The following CIT variants were observed in gnomAD, a reference collection of about 807,000 sequenced individuals.
CIT encodes citron rho-interacting serine/threonine kinase.
CIT carries 79 observed loss-of-function variants against 272.7 expected under a neutral mutation model. The observed-to-expected ratio is 0.29, with a 90% CI of 0.24 to 0.35. The LOEUF (loss-of-function observed/expected upper bound fraction) is 0.35. Among genes scored for constraint, CIT ranks in the 10% least tolerant of loss-of-function variants. The pLI is 1.00. For synonymous variants in CIT, 948 were observed against 995.6 expected (o/e 0.95, Z 0.90); for missense variants, 1,909 against 2,618.3 (o/e 0.73, Z 5.91).
At chr12:119,827,204 G>A (rs1968241535) in intron 7 of CIT, among the ~76,000 whole-genome samples, 1 of 152,118 alleles carries the variant, frequency 6.6e-6, no homozygotes, top group Admixed American at 6.5e-5. Context: ...CCCACAGGCA[G>A]GCTTGGCTTG....
intron 9 of CIT, among the ~76,000 whole-genome samples, chr12:119,817,028 G>T (rs1967249255): frequency 6.6e-6 from 1 of 152,158 alleles, no homozygotes; most frequent in South Asian, 2.1e-4. Flanking sequence ...ACAGAAAACA[G>T]GACACATCCT....
intron 37 of CIT, among the ~76,000 whole-genome samples, chr12:119,711,715 G>A (rs1445634610): frequency 6.6e-6 from 1 of 152,170 alleles, no homozygotes; most frequent in Non-Finnish European, 1.5e-5. Context: ...GAGTACAGTG[G>A]CACAATCGTA....
intron 46 of CIT, among the ~76,000 whole-genome samples, chr12:119,691,511 C>G (rs976193017): frequency 2.0e-5 from 3 of 152,178 alleles, no homozygotes; most frequent in Non-Finnish European, 4.4e-5. Context: ...GACAATAAGA[C>G]GACCGAGAGG....
intron 3 of CIT, among the ~76,000 whole-genome samples, chr12:119,868,516 G>T (rs1263757236): frequency 1.3e-5 from 2 of 152,062 alleles, no homozygotes; most frequent in Admixed American, 1.3e-4. Flanking sequence ...CTCATTCCTG[G>T]ATTTCTCAGT....
intron 26 of CIT, among the ~76,000 whole-genome samples, chr12:119,731,390 T>C (rs923145861): frequency 1.4e-5 from 2 of 147,898 alleles, no homozygotes; most frequent in Admixed American, 6.8e-5. Flanking sequence ...GCAGGAGAAT[T>C]GCTTGAACTC....
chr12:119,719,025 G>C, intron 30 of CIT, 164 bp from the exon 31 acceptor site: 1 of 670,958 alleles, frequency 1.5e-6, no homozygotes, highest in Non-Finnish European at 2.5e-6. Context: ...GGTAGGCTGA[G>C]CCACAGCCCG....
At position 119,770,583 on chromosome 12, in the gene CIT, G is replaced by A. The variant is rs147908399; in HGVS notation, c.2208+202C>T. 4.0e-5 allele frequency among the ~76,000 whole-genome samples: 6 copies of A among 150,968 alleles called. No homozygotes were observed. The highest frequency in any genetic ancestry group is 5.9e-5 in the Non-Finnish European group (4 of 67,912). On this transcript the variant is annotated intron_variant, in intron 18 of 47. Transcript: ENST00000392521. The surrounding 1 kb of genome is among the most constrained non-coding windows in gnomAD (Gnocchi z 4.4). ...AAACAGAGCAAAAAACGATATTTAC[G>A]GATCTGTTACCAGTGCTGAAATGTC...
intron 7 of CIT, 61 bp downstream of exon 7, chr12:119,832,710 A>C (rs1458892994): frequency 7.2e-7 from 1 of 1,380,644 alleles, no homozygotes; most frequent in African/African-American, 1.4e-5. Context: ...TCCCAAACTT[A>C]GGAGGACCAA....
At chr12:119,782,466 A>G (rs1593723493) in intron 13 of CIT, 52 bp downstream of exon 13, 1 of 1,596,780 alleles carries the variant, frequency 6.3e-7, no homozygotes, top group Non-Finnish European at 8.5e-7. Flanking sequence ...TCCTGAAATT[A>G]GAGGTCCAAG....
chr12:119,722,835 C>T (rs766316279), intron 28 of CIT, among the ~76,000 whole-genome samples: 1 of 152,134 alleles, frequency 6.6e-6, no homozygotes, highest in African/African-American at 2.4e-5. Flanking sequence ...AAGGTGCTCC[C>T]TCTCATCCTC....
intron 25 of CIT, 141 bp downstream of exon 25, chr12:119,735,019 T>A: frequency 1.3e-6 from 1 of 767,558 alleles, no homozygotes; most frequent in East Asian, 2.6e-5. Context: ...CCTAAAGGCT[T>A]GGAAAAAAGA....
At chr12:119,822,214 C>T (rs1378228123) in intron 9 of CIT, among the ~76,000 whole-genome samples, 3 of 152,192 alleles carry the variant, frequency 2.0e-5, no homozygotes, top group African/African-American at 7.2e-5. Flanking sequence ...GAAAAAAGAG[C>T]ATTGTGTGGT....
chr12:119,773,789 T>G lies in CIT; in HGVS notation c.1942-879A>C, dbSNP rs1020842946. Among the ~76,000 whole-genome samples the G allele has an allele frequency of 5.3e-5, 8 of 152,312 alleles. No homozygotes were observed. The South Asian group carries it at 1.7e-3, about 32-fold the overall frequency. On this transcript the variant is annotated intron_variant, in intron 16 of 47. Transcript: ENST00000392521. Reference sequence around the variant, plus strand: ...TTTAAATTACATCTGTAAGTAATATTTGTGGCTCCCTCACACTTTGATTGG... The same window carrying G: ...TTTAAATTACATCTGTAAGTAATATGTGTGGCTCCCTCACACTTTGATTGG...
intron 32 of CIT, among the ~76,000 whole-genome samples, chr12:119,714,631 G>A (rs1482533074): frequency 1.3e-5 from 2 of 152,108 alleles, no homozygotes; most frequent in African/African-American, 4.8e-5. Flanking sequence ...ACCCCAAGCA[G>A]ACACCACTTC....
chr12:119,738,775 CAGG>C (rs2137289766), intron 24 of CIT, among the ~76,000 whole-genome samples: 1 of 151,770 alleles, frequency 6.6e-6, no homozygotes, highest in East Asian at 1.9e-4. Context: ...CCCAGCTACC[CAGG>C]AGGCTGAGGC....
At chr12:119,688,964 C>G (rs1955754173) in intron 47 of CIT, among the ~76,000 whole-genome samples, 2 of 133,898 alleles carry the variant, frequency 1.5e-5, no homozygotes. Context: ...AGTTCAAGAC[C>G]AGCCTGGGCA....
At chr12:119,756,897 G>A (rs1216547102) in intron 22 of CIT, among the ~76,000 whole-genome samples, 1 of 152,178 alleles carries the variant, frequency 6.6e-6, no homozygotes, top group Non-Finnish European at 1.5e-5. Context: ...GGGAAGCTGA[G>A]GCGGGTGGAT....
intron 4 of CIT, among the ~76,000 whole-genome samples, chr12:119,854,416 T>C (rs1223540589): frequency 6.6e-6 from 1 of 150,946 alleles, no homozygotes; most frequent in Non-Finnish European, 1.5e-5. Flanking sequence ...AGTGGGCAGA[T>C]CACTTGAGGT....
At chr12:119,723,175 G>A (rs1413644087) in intron 28 of CIT, among the ~76,000 whole-genome samples, 1 of 152,080 alleles carries the variant, frequency 6.6e-6, no homozygotes, top group African/African-American at 2.4e-5. Context: ...AAACAGCTAA[G>A]ATACCCTCCT....
Sources: allele counts gnomAD v4.1 joint callset (sites outside exome capture counted in the v4.1 genomes callset), GRCh38; gene constraint gnomAD v4.1.1; non-coding constraint Gnocchi (gnomAD v3.1); transcripts MANE v1.5; gene names NCBI Gene and HGNC (gene_info 2026-07-23, HGNC 2026-07-21).